CBLB: variants seen among roughly 807,000 people sequenced by gnomAD.
CBLB encodes the protein E3 ubiquitin-protein ligase CBL-B.
Under a neutral mutation model 104.9 loss-of-function variants are expected in CBLB, and 31 were observed. The observed-to-expected ratio is 0.30, with a 90% CI of 0.22 to 0.40. CBLB has a LOEUF of 0.40. CBLB is among the 10% of genes least tolerant of loss of function. The pLI, the probability that CBLB is intolerant of heterozygous loss-of-function variation, is 1.00. For synonymous variants in CBLB, 440 were observed against 422.6 expected, an observed-to-expected ratio of 1.04 and a Z score of -0.51; for missense variants, 1,062 against 1,214.6, an observed-to-expected ratio of 0.87 and a Z score of 1.87.
chr3:105,754,744 C>A (rs2152918375), intron 4 of CBLB, among the ~76,000 whole-genome samples: 1 of 152,252 alleles, frequency 6.6e-6, no homozygotes, highest in South Asian at 2.1e-4. Context: ...GATAGCCATG[C>A]ACCTGTAATA....
intron 3 of CBLB, among the ~76,000 whole-genome samples, chr3:105,818,230 G>A (rs1178519786): frequency 6.6e-6 from 1 of 151,934 alleles, no homozygotes; most frequent in Admixed American, 6.6e-5. Flanking sequence ...ATGTAAAATC[G>A]AATCCTAGAC....
intron 4 of CBLB, among the ~76,000 whole-genome samples, chr3:105,757,470 C>T (rs1483189967): frequency 6.6e-6 from 1 of 152,082 alleles, no homozygotes; most frequent in Admixed American, 6.5e-5. Flanking sequence ...TGAGAGAGGG[C>T]GTCTTCCAAG....
chr3:105,739,731 A>G (rs1312773119), intron 7 of CBLB, among the ~76,000 whole-genome samples: 2 of 152,206 alleles, frequency 1.3e-5, no homozygotes, highest in East Asian at 1.9e-4. Context: ...GGAAAGATCT[A>G]CAGAGAGAAA....
chr3:105,835,179 A>C (rs921793073), intron 3 of CBLB, among the ~76,000 whole-genome samples: 3 of 152,166 alleles, frequency 2.0e-5, no homozygotes, highest in African/African-American at 4.8e-5. Context: ...AGAATAACCC[A>C]AAAAAAGCTT....
chr3:105,847,056 G>C (rs1241738929), intron 3 of CBLB, among the ~76,000 whole-genome samples: 1 of 151,972 alleles, frequency 6.6e-6, no homozygotes, highest in South Asian at 2.1e-4. Flanking sequence ...TTGTTTTGTT[G>C]TTGCTCTTGT....
chr3:105,845,362 T>G (rs1560503697), intron 3 of CBLB, among the ~76,000 whole-genome samples: 1 of 146,902 alleles, frequency 6.8e-6, no homozygotes. Context: ...GGCTGAACAG[T>G]ATTAACATGG....
intron 17 of CBLB, chr3:105,673,501 C>T (rs996351539): frequency 2.0e-5 from 3 of 152,164 alleles, no homozygotes; most frequent in Admixed American, 6.5e-5. Flanking sequence ...CATCCATAAA[C>T]CACCTGGAAG....
chr3:105,814,236 G>A (rs2084706037), intron 3 of CBLB, among the ~76,000 whole-genome samples: 1 of 152,024 alleles, frequency 6.6e-6, no homozygotes, highest in Non-Finnish European at 1.5e-5. Context: ...GTGCATCAGA[G>A]ATAAGAAAAA....
chr3:105,848,668 A>G (rs1469031199), intron 3 of CBLB, among the ~76,000 whole-genome samples: 1 of 152,132 alleles, frequency 6.6e-6, no homozygotes, highest in Admixed American at 6.6e-5. Context: ...CATCCAGCAC[A>G]ATTTCTTCAA....
chr3:105,743,279 G>A lies in CBLB; in HGVS notation c.845+2638C>T, dbSNP rs186896956. 2.2e-3 allele frequency among the ~76,000 whole-genome samples: 329 copies of A among 151,830 alleles called. 2 individuals carry two copies. Among genetic ancestry groups the A allele is most frequent in the African/African-American group, 7.1e-3 (295 of 41,404 alleles). On this transcript the variant is annotated intron_variant, in intron 6 of 18. Coordinates refer to ENST00000394030, the MANE Select transcript of CBLB (RefSeq NM_170662.5). ...TCGAGGCCACCATGGCCAACATGGC[G>A]AAAACCCGTCTCCACTAAAAATACA... is the stretch of plus-strand genomic sequence containing the variant.
chr3:105,827,676 A>C (rs1185089990), intron 3 of CBLB, among the ~76,000 whole-genome samples: 4 of 152,182 alleles, frequency 2.6e-5, no homozygotes, highest in African/African-American at 9.7e-5. Context: ...AGACACAAAA[A>C]TTTAAGACAG....
intron 9 of CBLB, among the ~76,000 whole-genome samples, chr3:105,727,764 T>C (rs1169241342): frequency 6.6e-6 from 1 of 152,226 alleles, no homozygotes; most frequent in Non-Finnish European, 1.5e-5. Context: ...TGCGTATGGC[T>C]AGCCAGTTTT....
At chr3:105,677,253 C>A (rs2065758506) in intron 17 of CBLB, among the ~76,000 whole-genome samples, 1 of 151,698 alleles carries the variant, frequency 6.6e-6, no homozygotes, top group Admixed American at 6.6e-5. Flanking sequence ...GAAAAATAAA[C>A]CACTTTAAGA....
intron 6 of CBLB, among the ~76,000 whole-genome samples, chr3:105,741,889 A>T (rs2075632504): frequency 6.6e-6 from 1 of 152,212 alleles, no homozygotes; most frequent in South Asian, 2.1e-4. Flanking sequence ...AAAAGTGCAA[A>T]CTAGGTAATT....
chr3:105,727,601 T>A (rs1040517763), intron 9 of CBLB, among the ~76,000 whole-genome samples: 1 of 152,166 alleles, frequency 6.6e-6, no homozygotes, highest in East Asian at 1.9e-4. Context: ...AGTGTTTTAG[T>A]CATGAAGTCT....
At position 105,850,593 on chromosome 3, in the gene CBLB, C is replaced by CT. The variant is rs148195959; in HGVS notation, c.419+2820dup. Among the ~76,000 whole-genome samples the CT allele has an allele frequency of 2.9e-3, 448 of 152,186 alleles. 2 individuals are homozygous for CT. Among genetic ancestry groups the CT allele is most frequent in the Middle Eastern group, 6.8e-3 (2 of 294 alleles). On this transcript the variant is annotated intron_variant, in intron 3 of 18. Transcript: ENST00000394030. ...TAAAATAGCCCAGAAATGGAAAACT[C>CT]TATCATTTTCCTTATTTTGTTTAAG...
rs77062511 is a variant in CBLB, at chr3:105,806,986, G to C, written c.420-30444C>G. 2.4e-4 allele frequency among the ~76,000 whole-genome samples: 37 copies of C among 152,222 alleles called. No individual in the cohort carries two copies. The East Asian group carries it at 6.8e-3, about 28-fold the overall frequency. On this transcript the variant is annotated intron_variant, in intron 3 of 18. Transcript: ENST00000394030. The stretch of plus-strand genomic sequence containing the variant: ...TAGACTACTGTTATTGAGCTGCACA[G>C]GGACACGAACAAGCTCTTTTAGGCC...
intron 5 of CBLB, 123 bp downstream of exon 5, chr3:105,751,339 C>A (rs1576869213): frequency 1.3e-6 from 1 of 768,054 alleles, no homozygotes; most frequent in South Asian, 1.5e-5. Flanking sequence ...AGGAATGACA[C>A]TATTTTCCAT....
chr3:105,817,521 C>T (rs12330582), intron 3 of CBLB, among the ~76,000 whole-genome samples: 152,042 of 152,240 alleles, frequency 1, 75,923 homozygotes, highest in Middle Eastern at 1. Flanking sequence ...TTAAGTAGTT[C>T]AGAAGAACCA....
Sources: allele counts gnomAD v4.1 joint callset (sites outside exome capture counted in the v4.1 genomes callset), GRCh38; gene constraint gnomAD v4.1.1; transcripts MANE v1.5; gene names NCBI Gene and HGNC (gene_info 2026-07-23, HGNC 2026-07-21).